CSMD1: variants seen among roughly 807,000 people sequenced by gnomAD.
CSMD1 encodes CUB and sushi domain-containing protein 1.
A neutral mutation model predicts 417.5 loss-of-function variants in CSMD1; 213 were observed. The observed-to-expected ratio is 0.51, with a 90% CI of 0.46 to 0.57. The LOEUF is 0.57. Among genes scored for constraint, CSMD1 ranks in the 20% least tolerant of loss-of-function variants. CSMD1 has a pLI of 0.00. For synonymous variants in CSMD1, 2,862 were observed against 1,736.8 expected, an observed-to-expected ratio of 1.65 and a Z score of -16.11; for missense variants, 6,923 against 4,529.7, an observed-to-expected ratio of 1.53 and a Z score of -15.17.
intron 26 of CSMD1, among the ~76,000 whole-genome samples, chr8:3,271,406 T>C (rs2117154294): frequency 6.6e-6 from 1 of 152,050 alleles, no homozygotes; most frequent in South Asian, 2.1e-4. Flanking sequence ...CATGTGTCTT[T>C]ATAGCAGCAT....
At chr8:3,721,972 G>A (rs1802202510) in intron 6 of CSMD1, among the ~76,000 whole-genome samples, 1 of 152,226 alleles carries the variant, frequency 6.6e-6, no homozygotes, top group African/African-American at 2.4e-5. Context: ...CTCACCTCCT[G>A]CTGTCCCCAA....
chr8:3,729,190 T>C lies in CSMD1; in HGVS notation c.932-20699A>G, dbSNP rs542493587. 9.8e-5 allele frequency among the ~76,000 whole-genome samples: 15 copies of C among 152,294 alleles called. No homozygotes were observed. The East Asian group carries it at 2.3e-3, about 24-fold the overall frequency. Reference sequence around the variant, plus strand: ...CATGACAAGACTTACTGCCACGCAATAAGCAATGCCGTCTTAAAAAGACCT... The same window carrying C: ...CATGACAAGACTTACTGCCACGCAACAAGCAATGCCGTCTTAAAAAGACCT... On this transcript the variant is annotated intron_variant, in intron 6 of 69. Coordinates refer to ENST00000635120, the MANE Select transcript of CSMD1 (RefSeq NM_033225.6).
At position 3,964,194 on chromosome 8, in the gene CSMD1, A is replaced by AT. The variant is rs200624859; in HGVS notation, c.818+33708dup. 4.4e-3 allele frequency among the ~76,000 whole-genome samples: 665 copies of AT among 152,286 alleles called. 7 individuals are homozygous for AT. The highest frequency in any genetic ancestry group is 0.015 in the African/African-American group (634 of 41,550). On this transcript the variant is annotated intron_variant, in intron 5 of 69. Transcript: ENST00000635120. ...TAACAAGTAAACATTAAAGGCATTT[A>AT]TTTTTTTAAAGACTGTATAAATGAG...
At chr8:3,268,288 T>A (rs13262324) in intron 26 of CSMD1, among the ~76,000 whole-genome samples, 112 of 79,350 alleles carry the variant, frequency 1.4e-3, no homozygotes, top group African/African-American at 4.7e-3. Flanking sequence ...GTTCATTTCC[T>A]ATTTTTTTTT....
intron 3 of CSMD1, among the ~76,000 whole-genome samples, chr8:4,244,061 A>C (rs539119991): frequency 6.6e-6 from 1 of 152,318 alleles, no homozygotes; most frequent in South Asian, 2.1e-4. Context: ...GTTAAAGTGC[A>C]GGTAGTCCTG....
chr8:3,872,084 T>C (rs1445612162), intron 5 of CSMD1, among the ~76,000 whole-genome samples: 1 of 152,264 alleles, frequency 6.6e-6, no homozygotes, highest in African/African-American at 2.4e-5. Context: ...GAAAGGCCAA[T>C]TCCCTTTTGG....
At chr8:3,770,238 T>C (rs568551011) in intron 5 of CSMD1, among the ~76,000 whole-genome samples, 1 of 152,214 alleles carries the variant, frequency 6.6e-6, no homozygotes, top group South Asian at 2.1e-4. Flanking sequence ...TGCAAGAAAA[T>C]ACTAGGCAAC....
Position 3,417,440 on chromosome 8 carries a change from G to C in CSMD1, c.1562-7835C>G, listed in dbSNP as rs143223005. Among the ~76,000 whole-genome samples the C allele has an allele frequency of 1.3e-4, 20 of 152,220 alleles. No individual in the cohort carries two copies. In the East Asian group the frequency reaches 3.7e-3, roughly 28 times the overall value. On this transcript the variant is annotated intron_variant, in intron 12 of 69. Transcript: ENST00000635120. ...TACACAACTTCTTATATGCTTATTC[G>C]TATGAAAGCAATGTTGTCTAGCTTG... is the stretch of plus-strand genomic sequence containing the variant.
chr8:3,455,212 T>C (rs1213518915), intron 12 of CSMD1, among the ~76,000 whole-genome samples: 2 of 152,116 alleles, frequency 1.3e-5, no homozygotes, highest in Non-Finnish European at 2.9e-5. Context: ...TAGCCAGTCG[T>C]CTAATTTTTT....
At chr8:3,613,737 A>ACACACACACC (rs71203455) in intron 8 of CSMD1, among the ~76,000 whole-genome samples, 125 of 144,462 alleles carry the variant, frequency 8.7e-4, no homozygotes, top group East Asian at 2.1e-3. Context: ...ACACACACAC[A>ACACACACACC]CCTCAAAAAA....
At chr8:3,013,323 C>T (rs1317628092) in intron 52 of CSMD1, among the ~76,000 whole-genome samples, 3 of 152,174 alleles carry the variant, frequency 2.0e-5, no homozygotes, top group Non-Finnish European at 4.4e-5. Context: ...GCTGACTCTA[C>T]CCGTCAGGGC....
intron 3 of CSMD1, among the ~76,000 whole-genome samples, chr8:4,324,782 T>G (rs1261426875): frequency 6.6e-6 from 1 of 152,152 alleles, no homozygotes; most frequent in East Asian, 1.9e-4. Flanking sequence ...ACATCGAAAG[T>G]GTGTTTACCT....
At chr8:3,808,391 C>T (rs886086631) in intron 5 of CSMD1, among the ~76,000 whole-genome samples, 3 of 151,992 alleles carry the variant, frequency 2.0e-5, no homozygotes, top group African/African-American at 4.8e-5. Context: ...TAATGACAAC[C>T]GTGGTAAAAA....
chr8:4,745,833 T>G (rs1489357220), intron 1 of CSMD1, among the ~76,000 whole-genome samples: 1 of 152,082 alleles, frequency 6.6e-6, no homozygotes, highest in Non-Finnish European at 1.5e-5. Context: ...GTGAAGAAGA[T>G]GCAAAGAAAA....
chr8:4,412,698 A>C (rs1796714712), intron 3 of CSMD1, among the ~76,000 whole-genome samples: 1 of 152,224 alleles, frequency 6.6e-6, no homozygotes, highest in Admixed American at 6.5e-5. Flanking sequence ...AAGTTCACGT[A>C]ACCAACATAT....
chr8:3,685,587 C>T (rs1799905434), intron 7 of CSMD1, among the ~76,000 whole-genome samples: 1 of 152,142 alleles, frequency 6.6e-6, no homozygotes, highest in Non-Finnish European at 1.5e-5. Flanking sequence ...AAGCATCTGG[C>T]ATCTCATTGC....
At chr8:3,239,249 T>TC (rs1799344054) in intron 26 of CSMD1, among the ~76,000 whole-genome samples, 1 of 152,114 alleles carries the variant, frequency 6.6e-6, no homozygotes, top group African/African-American at 2.4e-5. Flanking sequence ...ACCAAGAGCC[T>TC]GAAAAAATGC....
At chr8:4,227,605 C>G (rs751085133) in intron 3 of CSMD1, among the ~76,000 whole-genome samples, 2 of 152,028 alleles carry the variant, frequency 1.3e-5, no homozygotes, top group African/African-American at 2.4e-5. Context: ...TCAGGATTCC[C>G]TGCACATTCA....
chr8:4,721,841 G>T (rs1490740125), intron 1 of CSMD1, among the ~76,000 whole-genome samples: 1 of 152,140 alleles, frequency 6.6e-6, no homozygotes, highest in Non-Finnish European at 1.5e-5. Flanking sequence ...ACATGATTCA[G>T]CTTTACAAAA....
Sources: gnomAD v4.1 joint callset for allele counts (sites outside exome capture counted in the v4.1 genomes callset) on GRCh38, gnomAD v4.1.1 for gene constraint, MANE v1.5 for transcripts, NCBI Gene and HGNC (gene_info 2026-07-23, HGNC 2026-07-21) for gene names.